Variants in TUT7 observed in about 807,000 individuals in gnomAD.
The protein encoded by TUT7 is terminal uridylyl transferase 7.
A neutral mutation model predicts 165.9 loss-of-function variants in TUT7; 33 were observed. The ratio of observed to expected loss-of-function variants is 0.20; its 90% CI spans 0.15 to 0.27. TUT7 has a LOEUF of 0.27. Among genes scored for constraint, TUT7 ranks in the 10% least tolerant of loss-of-function variants. The probability of loss-of-function intolerance (pLI) is 1.00; values close to 1 mark genes in which losing one functional copy is unlikely to be tolerated. For synonymous variants in TUT7, 552 were observed against 608.1 expected, an observed-to-expected ratio of 0.91 and a Z score of 1.36; for missense variants, 1,338 against 1,762.3, an observed-to-expected ratio of 0.76 and a Z score of 4.31.
At chr9:86,343,790 G>A (rs1045719454) in intron 5 of TUT7, among the ~76,000 whole-genome samples, 19 of 152,176 alleles carry the variant, frequency 1.2e-4, no homozygotes, top group South Asian at 2.1e-4. Flanking sequence ...TCACTCTTCA[G>A]AGGAAGATGT....
intron 5 of TUT7, among the ~76,000 whole-genome samples, chr9:86,344,346 G>C (rs1194780783): frequency 1.3e-5 from 2 of 152,106 alleles, no homozygotes; most frequent in Non-Finnish European, 2.9e-5. Flanking sequence ...TGCCATCAAG[G>C]ATTGACAGCA....
rs1003710372 is a variant in TUT7 at position 86,307,274 on chromosome 9, G to GA, written c.3838+1154dup. 5.6e-3 allele frequency among the ~76,000 whole-genome samples: 759 copies of GA among 134,790 alleles called. 5 individuals carry two copies. The highest frequency in any genetic ancestry group is 8.4e-3 in the Non-Finnish European group (518 of 61,770). The allele number at this position is 134,790 out of a possible 152,430, so 88.4% of individuals were successfully genotyped here. On this transcript the variant is annotated intron_variant, in intron 22 of 26. Coordinates refer to ENST00000375963, the MANE Select transcript of TUT7 (RefSeq NM_024617.4). ...GGAAGACAAAGTGAGACTGTCTCAAGAAAAAAAAAAAAGGAATACCTTAAT... is the reference window on the plus strand; with the variant it reads ...GGAAGACAAAGTGAGACTGTCTCAAGAAAAAAAAAAAAAGGAATACCTTAAT...
At chr9:86,288,814 ATTAC>A (rs1293479955) in intron 26 of TUT7, 70 bp from the exon 27 acceptor site, 7 of 1,228,326 alleles carry the variant, frequency 5.7e-6, no homozygotes, top group Non-Finnish European at 8.1e-6. Flanking sequence ...AAGCCATAAA[ATTAC>A]TTCTTATTAA....
chr9:86,303,566 T>A (rs1352927200), intron 24 of TUT7, among the ~76,000 whole-genome samples: 1 of 151,988 alleles, frequency 6.6e-6, no homozygotes, highest in African/African-American at 2.4e-5. Context: ...TAAAACATAA[T>A]GAATTGAGAA....
rs753939459 is a variant in TUT7, at chr9:86,338,846, T to C, written c.1312A>G (p.Ile438Val). 1.8e-5 allele frequency: 29 copies of C among 1,608,772 alleles called. 1 individual carries two copies. In the South Asian group the frequency reaches 3.1e-4, roughly 17 times the overall value. The change falls in exon 9 of 27, where the codon ATT (isoleucine) becomes GTT (valine). Residue 438 changes from isoleucine to valine, a missense_variant. Coordinates refer to ENST00000375963, the MANE Select transcript of TUT7 (RefSeq NM_024617.4). The stretch of plus-strand genomic sequence containing the variant: ...ACCTTTGCCCAGTACCTAAATGCAA[T>C]CACCAAAGGAACCAGCTTTGGTTCT... The part of the protein sequence containing the change: ...KLEPKLVPLV[I>V]AFRYWAKLCS...
intron 16 of TUT7, 61 bp from the exon 17 acceptor site, chr9:86,317,337 T>A (rs1249538172): frequency 3.7e-6 from 5 of 1,346,496 alleles, no homozygotes; most frequent in Non-Finnish European, 5.3e-6. Context: ...TGAAACTGGC[T>A]ATAGTTTCCA....
chr9:86,308,716 C>A (rs2131344982), intron 21 of TUT7, 110 bp from the exon 22 acceptor site: 1 of 828,530 alleles, frequency 1.2e-6, no homozygotes, highest in East Asian at 2.8e-5. Flanking sequence ...TTAACTAGAG[C>A]TCAATTATGC....
Position 86,293,275 on chromosome 9 carries a change from C to T in TUT7, c.4421-4531G>A, listed in dbSNP as rs189090751. Among the ~76,000 whole-genome samples the T allele has an allele frequency of 4.9e-4, 75 of 152,114 alleles. No homozygotes were observed. In the East Asian group the frequency reaches 9.7e-3, roughly 20 times the overall value. On this transcript the variant is annotated intron_variant, in intron 26 of 26. Coordinates refer to ENST00000375963, the MANE Select transcript of TUT7 (RefSeq NM_024617.4). ...GACGAGCCTGGGCAACATGGCGAGA[C>T]CCTGTCTCTACAAAAAAATTTTAAA...
intron 25 of TUT7, among the ~76,000 whole-genome samples, chr9:86,302,152 GTTTTA>G (rs1564029843): frequency 6.6e-6 from 1 of 152,088 alleles, no homozygotes; most frequent in African/African-American, 2.4e-5. Context: ...TGAGCACCAT[GTTTTA>G]AAATATTGCT....
intron 13 of TUT7, 145 bp from the exon 14 acceptor site, chr9:86,322,620 G>C (rs1829417896): frequency 9.4e-7 from 1 of 1,066,672 alleles, no homozygotes; most frequent in Admixed American, 2.9e-5. Context: ...CAAATGATCT[G>C]AGAGATGGGG....
At position 86,301,350 on chromosome 9, in the gene TUT7, C is replaced by T. The variant is rs947853078; in HGVS notation, c.4346G>A (p.Arg1449Lys). 8.7e-6 allele frequency: 14 copies of T among 1,614,006 alleles called. No homozygotes were observed. Among genetic ancestry groups the T allele is most frequent in the South Asian group, 1.1e-5 (1 of 91,080 alleles). The change falls in exon 26 of 27, where the codon AGA becomes AAA. Residue 1449 changes from arginine to lysine, a missense_variant. Around this residue, in one of 7 missense-constraint regions of TUT7, gnomAD observed 167 missense variants for 204.9 expected, o/e 0.82. Transcript: ENST00000375963. ...KWKRQDDKDLREKRCFICGRE... is the reference protein window; with the variant it reads ...KWKRQDDKDLKEKRCFICGRE... ...TCCACAAATAAAACAACGTTTTTCT[C>T]TTAAGTCTTTGTCATCCTGTCTCTT...
At chr9:86,294,971 G>C (rs1826187594) in intron 26 of TUT7, among the ~76,000 whole-genome samples, 1 of 151,760 alleles carries the variant, frequency 6.6e-6, no homozygotes, top group Non-Finnish European at 1.5e-5. Flanking sequence ...TTCATCCTTT[G>C]AGATTTAATA....
intron 18 of TUT7, 26 bp downstream of exon 18, chr9:86,310,680 A>C (rs1410015590): frequency 1.0e-5 from 14 of 1,374,650 alleles, no homozygotes; most frequent in Non-Finnish European, 1.5e-5. Context: ...AACCTCTCTA[A>C]ACAAAAAGCC....
intron 2 of TUT7, among the ~76,000 whole-genome samples, chr9:86,352,199 T>C (rs1832361375): frequency 1.3e-5 from 2 of 152,164 alleles, no homozygotes; most frequent in African/African-American, 4.8e-5. Flanking sequence ...AAAAGATATA[T>C]CTCTTGTGGC....
intron 26 of TUT7, among the ~76,000 whole-genome samples, chr9:86,299,044 G>C (rs1034751671): frequency 1.3e-5 from 2 of 152,136 alleles, no homozygotes; most frequent in Non-Finnish European, 2.9e-5. Context: ...CACCCGCGCA[G>C]GACAGACAGG....
intron 17 of TUT7, among the ~76,000 whole-genome samples, chr9:86,316,017 T>TG (rs1205015898): frequency 6.6e-6 from 1 of 152,210 alleles, no homozygotes; most frequent in African/African-American, 2.4e-5. Context: ...ACTTAAAGTC[T>TG]GTTCCTAACC....
In TUT7 at chr9:86,309,520, A is replaced by G. The variant is rs543605892; in HGVS notation, c.3525T>C (p.Leu1175=). The G allele has an allele frequency of 3.1e-6, 5 of 1,613,844 alleles. No individual in the cohort carries two copies. The African/African-American group carries it at 4.0e-5, about 13-fold the overall frequency. Residue 1175 remains leucine, a synonymous_variant, in exon 20 of 27, where the codon CTT becomes CTC. Transcript: ENST00000375963. ...TCTGCTGGAGAAAATATAGCACCAT[A>G]AGAGTATATGCATACGATGATAAGC... ...RGSLSSYAYT[L]MVLYFLQQRN... is the part of the protein sequence containing the mutation.
At chr9:86,289,703 GA>G (rs1294091680) in intron 26 of TUT7, among the ~76,000 whole-genome samples, 1 of 148,846 alleles carries the variant, frequency 6.7e-6, no homozygotes, top group African/African-American at 2.5e-5. Context: ...ATATAAAATA[GA>G]AAAAAAAATG....
intron 10 of TUT7, chr9:86,336,838 T>C (rs1830826108): frequency 6.6e-6 from 1 of 152,306 alleles, no homozygotes; most frequent in Non-Finnish European, 1.5e-5. Flanking sequence ...CAACTCAACA[T>C]TAATTTATCC....
Sources: gnomAD v4.1 joint callset for allele counts (sites outside exome capture counted in the v4.1 genomes callset) on GRCh38, gnomAD v4.1.1 for gene constraint, gnomAD v4.1.1 regional missense constraint, MANE v1.5 for transcripts, NCBI Gene and HGNC (gene_info 2026-07-23, HGNC 2026-07-21) for gene names.